DRC11: variants seen among roughly 807,000 people sequenced by gnomAD.
DRC11 encodes IQ and AAA domain-containing protein 1.
chr2:236,328,746 C>T, the DRC11 span, among the ~76,000 whole-genome samples: 5 of 152,240 alleles, frequency 3.3e-5, no homozygotes, highest in South Asian at 2.1e-4. The surrounding 1 kb of genome is among the most constrained non-coding windows in gnomAD (Gnocchi z 6.7). Flanking sequence ...ATCGAGACCC[C>T]GTACAGAATA....
the DRC11 span, among the ~76,000 whole-genome samples, chr2:236,383,954 G>C: frequency 5.3e-5 from 8 of 151,790 alleles, no homozygotes; most frequent in Admixed American, 5.3e-4. Context: ...TGAGAATGAT[G>C]ATTTCCAATT....
chr2:236,376,334 C>T, the DRC11 span, among the ~76,000 whole-genome samples: 1 of 152,194 alleles, frequency 6.6e-6, no homozygotes, highest in Admixed American at 6.5e-5. This position sits in a 1 kb window ranked among gnomAD's most constrained non-coding sequence, Gnocchi z 5.7. Flanking sequence ...ACAACAATCA[C>T]TTGCACCATC....
the DRC11 span, among the ~76,000 whole-genome samples, chr2:236,505,518 A>G: frequency 6.6e-6 from 1 of 151,954 alleles, no homozygotes; most frequent in African/African-American, 2.4e-5. Flanking sequence ...GGCTGGGTCA[A>G]GGGGACCCCT....
At chr2:236,346,958 C>A in the DRC11 span, among the ~76,000 whole-genome samples, 2 of 152,302 alleles carry the variant, frequency 1.3e-5, no homozygotes, top group South Asian at 4.1e-4. Context: ...AGTGAGCATG[C>A]GCACAACTCC....
At chr2:236,324,505 G>A in the DRC11 span, 7 of 524,150 alleles carry the variant, frequency 1.3e-5, no homozygotes, top group East Asian at 1.6e-4. The surrounding 1 kb of genome is among the most constrained non-coding windows in gnomAD (Gnocchi z 5.7). Flanking sequence ...ACATGCAGTG[G>A]TTAGCGGGTT....
At chr2:236,501,649 G>C in the DRC11 span, among the ~76,000 whole-genome samples, 1 of 152,122 alleles carries the variant, frequency 6.6e-6, no homozygotes, top group Non-Finnish European at 1.5e-5. Flanking sequence ...GGCCCGAGAA[G>C]GGACAGTAAA....
the DRC11 span, among the ~76,000 whole-genome samples, chr2:236,491,013 ATGTGTATATATATG>A: frequency 3.0e-5 from 4 of 132,834 alleles, no homozygotes; most frequent in Non-Finnish European, 5.0e-5. Context: ...GTGTGTATAT[ATGTGTATATATATG>A]TGTGTATATA....
chr2:236,392,983 G>A, the DRC11 span, among the ~76,000 whole-genome samples: 57 of 152,236 alleles, frequency 3.7e-4, no homozygotes, highest in African/African-American at 1.4e-3. The surrounding 1 kb of genome is among the most constrained non-coding windows in gnomAD (Gnocchi z 5.1). Flanking sequence ...GACAAAGTAA[G>A]AATAATTTCC....
chr2:236,369,735 A>T, the DRC11 span, among the ~76,000 whole-genome samples: 19 of 152,362 alleles, frequency 1.2e-4, no homozygotes, highest in South Asian at 3.9e-3. This position sits in a 1 kb window ranked among gnomAD's most constrained non-coding sequence, Gnocchi z 4.5. Context: ...TGAGACTCGC[A>T]CTGAAAGCAC....
At chr2:236,492,748 A>G in the DRC11 span, among the ~76,000 whole-genome samples, 1 of 152,208 alleles carries the variant, frequency 6.6e-6, no homozygotes, top group East Asian at 1.9e-4. Flanking sequence ...AAGGGTGGGA[A>G]GAAGACTCCC....
chr2:236,488,668 T>C, the DRC11 span, among the ~76,000 whole-genome samples: 2 of 152,190 alleles, frequency 1.3e-5, no homozygotes, highest in Admixed American at 1.3e-4. Context: ...ACAACTAATA[T>C]CGAAATCATT....
chr2:236,457,967 T>C, the DRC11 span, among the ~76,000 whole-genome samples: 1 of 152,280 alleles, frequency 6.6e-6, no homozygotes, highest in Admixed American at 6.5e-5. This position sits in a 1 kb window ranked among gnomAD's most constrained non-coding sequence, Gnocchi z 4.7. Flanking sequence ...TTAGTTAATG[T>C]ATAAAGCACT....
the DRC11 span, among the ~76,000 whole-genome samples, chr2:236,354,799 A>G: frequency 6.6e-6 from 1 of 152,066 alleles, no homozygotes; most frequent in Non-Finnish European, 1.5e-5. Context: ...CGGGGCCTCC[A>G]CAGCCTGATG....
the DRC11 span, among the ~76,000 whole-genome samples, chr2:236,386,930 C>T: frequency 6.9e-6 from 1 of 145,400 alleles, no homozygotes; most frequent in African/African-American, 2.5e-5. Flanking sequence ...ACCCAGTAGT[C>T]ATTCAGGAGC....
chr2:236,490,902 TTG>T, the DRC11 span, among the ~76,000 whole-genome samples: 10,660 of 148,040 alleles, frequency 0.072, 1,024 homozygotes, highest in African/African-American at 0.19. This position sits in a 1 kb window ranked among gnomAD's most constrained non-coding sequence, Gnocchi z 5.5. Context: ...GAAGAATATA[TTG>T]TGTGTGTGTG....
the DRC11 span, among the ~76,000 whole-genome samples, chr2:236,311,229 A>G: frequency 6.6e-6 from 1 of 152,248 alleles, no homozygotes; most frequent in Admixed American, 6.5e-5. This position sits in a 1 kb window ranked among gnomAD's most constrained non-coding sequence, Gnocchi z 6.9. Context: ...AGCCCCATAT[A>G]CACTCGAGCC....
the DRC11 span, among the ~76,000 whole-genome samples, chr2:236,436,411 A>G: frequency 6.6e-6 from 1 of 152,124 alleles, no homozygotes; most frequent in African/African-American, 2.4e-5. Context: ...CTATGGTGAC[A>G]TGTTTATGAA....
At chr2:236,349,965 C>A in the DRC11 span, among the ~76,000 whole-genome samples, 2 of 152,202 alleles carry the variant, frequency 1.3e-5, no homozygotes, top group Non-Finnish European at 1.5e-5. This position sits in a 1 kb window ranked among gnomAD's most constrained non-coding sequence, Gnocchi z 5.5. Flanking sequence ...GCGATGTCCA[C>A]GTGGCAAGCA....
chr2:236,487,025 T>G, the DRC11 span: 1 of 667,710 alleles, frequency 1.5e-6, no homozygotes, highest in Non-Finnish European at 2.6e-6. Context: ...AGGCTGTCCA[T>G]GTGTGTGCTG....
Sources: allele counts gnomAD v4.1 joint callset (sites outside exome capture counted in the v4.1 genomes callset), GRCh38; gene constraint gnomAD v4.1.1; non-coding constraint Gnocchi (gnomAD v3.1); transcripts MANE v1.5; gene names NCBI Gene and HGNC (gene_info 2026-07-23, HGNC 2026-07-21).